Variants in STAT1 observed in about 807,000 individuals in gnomAD.
STAT1 encodes signal transducer and activator of transcription 1-alpha/beta.
STAT1 carries 24 observed loss-of-function variants against 111.7 expected under a neutral mutation model. That is an observed-to-expected ratio of 0.21 (90% CI 0.16 to 0.30). The LOEUF (loss-of-function observed/expected upper bound fraction) is 0.30. STAT1 is among the 10% of genes least tolerant of loss of function. The probability of loss-of-function intolerance (pLI) is 1.00; values close to 1 mark genes in which losing one functional copy is unlikely to be tolerated. For synonymous variants in STAT1, 332 were observed against 326.5 expected (o/e 1.02, Z -0.18); for missense variants, 351 against 911.9 (o/e 0.38, Z 7.92).
chr2:190,993,586 G>A lies in STAT1; in HGVS notation c.944+1475C>T, dbSNP rs776516276. 14 of 597,694 alleles carry A rather than the reference G, an allele frequency of 2.3e-5. No individual in the cohort carries two copies. The highest frequency in any genetic ancestry group is 5.4e-4 in the Middle Eastern group (2 of 3,674). 37.0% of individuals were successfully genotyped at this position (597,694 alleles called of 1,614,324 possible). On this transcript the variant is annotated intron_variant, in intron 10 of 24. Transcript: ENST00000361099. This position sits in a 1 kb window ranked among gnomAD's most constrained non-coding sequence, Gnocchi z 4.1. The stretch of plus-strand genomic sequence containing the variant: ...TGGACATGTCACTGTAGCTGCCACC[G>A]CTGCCACGGCCACCCTTGCTGCTAC...
chr2:190,974,733 C>G lies in STAT1; in HGVS notation c.2238+97G>C. 2.7e-6 allele frequency: 3 copies of G among 1,115,022 alleles called. No homozygotes were observed. The highest frequency in any genetic ancestry group is 4.1e-6 in the Non-Finnish European group (3 of 733,936). 69.1% of individuals were successfully genotyped at this position (1,115,022 alleles called of 1,614,324 possible). A position where few individuals can be genotyped will look rare whatever the true frequency, so the allele number is the denominator to read the frequency against. ...CTCTCCTTGGCTCCGCCAGGGCTCC[C>G]TCCCGCAGACAGGCCCGGGATCTGC... On this transcript the variant is annotated intron_variant, in intron 24 of 24. Transcript: ENST00000361099. This position sits in a 1 kb window ranked among gnomAD's most constrained non-coding sequence, Gnocchi z 4.8.
Position 190,999,046 on chromosome 2 carries a change from T to C in STAT1, c.541+580A>G, listed in dbSNP as rs560358023. ...GCAGTACCCTACGTGTCCTACACAATGTACATTCTTGAGATCTTTTCTGTT... is the reference window on the plus strand; with the variant it reads ...GCAGTACCCTACGTGTCCTACACAACGTACATTCTTGAGATCTTTTCTGTT... On this transcript the variant is annotated intron_variant, in intron 7 of 24. Coordinates refer to ENST00000361099, the MANE Select transcript of STAT1 (RefSeq NM_007315.4). The surrounding 1 kb of genome is among the most constrained non-coding windows in gnomAD (Gnocchi z 4.1). Among the ~76,000 whole-genome samples the C allele has an allele frequency of 2.0e-5, 3 of 152,178 alleles. No homozygotes were observed. The highest frequency in any genetic ancestry group is 4.4e-5 in the Non-Finnish European group (3 of 68,036).
At chr2:190,985,446 C>A (rs1210433792) in intron 15 of STAT1, among the ~76,000 whole-genome samples, 173 bp downstream of exon 15, 1 of 152,198 alleles carries the variant, frequency 6.6e-6, no homozygotes, top group East Asian at 1.9e-4. Flanking sequence ...TAGTAAAGCA[C>A]AAATGTGGTG....
rs916580554 is a variant in STAT1 at position 190,982,453 on chromosome 2, C to G, written c.1512G>C (p.Trp504Cys). ...CTCTTTTGGTGACAGAAGAAAACTG[C>G]CAACTCAGCACTTCTGAAAGCTGAG... ...RWAQLSEVLS[W>C]QFSSVTKRGL... Residue 504 changes from tryptophan (W) to cysteine (C), a missense_variant, in exon 18 of 25, where the codon TGG (tryptophan) becomes TGC (cysteine). Coordinates refer to ENST00000361099, the MANE Select transcript of STAT1 (RefSeq NM_007315.4). The surrounding 1 kb of genome is among the most constrained non-coding windows in gnomAD (Gnocchi z 7.3). The G allele has an allele frequency of 1.2e-6, 2 of 1,614,062 alleles. No individual in the cohort carries two copies. The highest frequency in any genetic ancestry group is 8.5e-7 in the Non-Finnish European group (1 of 1,180,048).
Position 190,985,895 on chromosome 2 carries a change from C to A in STAT1, c.1222-235G>T, listed in dbSNP as rs116811180. The stretch of plus-strand genomic sequence containing the variant: ...GGAGGGATCTCTTGGAATCACAACC[C>A]GCTCCTCTCCTGTGTTCAAACTTTC... On this transcript the variant is annotated intron_variant, in intron 14 of 24. Coordinates refer to ENST00000361099, the MANE Select transcript of STAT1 (RefSeq NM_007315.4). Among the ~76,000 whole-genome samples, 1,331 of 152,288 alleles carry A rather than the reference C, an allele frequency of 8.7e-3. 16 individuals carry two copies. The highest frequency in any genetic ancestry group is 0.029 in the African/African-American group (1,209 of 41,536).
chr2:190,986,020 G>T lies in STAT1; in HGVS notation c.1222-360C>A, dbSNP rs897304114. Among the ~76,000 whole-genome samples, 5 of 152,152 alleles carry T rather than the reference G, an allele frequency of 3.3e-5. No individual in the cohort carries two copies. Among genetic ancestry groups the T allele is most frequent in the African/African-American group, 1.2e-4 (5 of 41,436 alleles). ...CCCTCAGCAGAGTCCTCCAGGCTGG[G>T]CCCAGTGACTCCAGGTCCACCTGCC... On this transcript the variant is annotated intron_variant, in intron 14 of 24. Coordinates refer to ENST00000361099, the MANE Select transcript of STAT1 (RefSeq NM_007315.4). The surrounding 1 kb of genome is among the most constrained non-coding windows in gnomAD (Gnocchi z 5.0).
rs984038744 is a variant in STAT1 at position 190,983,176 on chromosome 2, G to C, written c.1446+466C>G. Among the ~76,000 whole-genome samples, 1 of 152,134 alleles carries C rather than the reference G, an allele frequency of 6.6e-6. No individual in the cohort carries two copies. The highest frequency in any genetic ancestry group is 2.4e-5 in the African/African-American group (1 of 41,428). On this transcript the variant is annotated intron_variant, in intron 17 of 24. Coordinates refer to ENST00000361099, the MANE Select transcript of STAT1 (RefSeq NM_007315.4). This position sits in a 1 kb window ranked among gnomAD's most constrained non-coding sequence, Gnocchi z 5.7. ...ACATAAACAATGTTATGCATTGATG[G>C]GTTGACAAAAATGTTGTGACCAGAG... is the stretch of plus-strand genomic sequence containing the variant.
intron 6 of STAT1, 63 bp downstream of exon 6, chr2:191,001,011 T>C (rs561501931): frequency 7.3e-6 from 10 of 1,362,450 alleles, no homozygotes; most frequent in African/African-American, 4.3e-5. Flanking sequence ...CCCCAAGCAA[T>C]TGAAACCTTT....
rs1695239609 is a variant in STAT1, at chr2:191,012,805, T to C, written c.-2+720A>G. 6.6e-6 allele frequency among the ~76,000 whole-genome samples: 1 copy of C among 152,226 alleles called. No individual in the cohort carries two copies. The highest frequency in any genetic ancestry group is 2.1e-4 in the South Asian group (1 of 4,828). On this transcript the variant is annotated intron_variant, in intron 2 of 24. Transcript: ENST00000361099. The surrounding 1 kb of genome is among the most constrained non-coding windows in gnomAD (Gnocchi z 4.0). ...CTGCTTTGCTCCAGCTACTCGCCCT[T>C]GGAAACAGCCTCTCCACAAATTTTT...
Position 190,995,315 on chromosome 2 carries a change from G to A in STAT1, c.786-96C>T. Reference sequence around the variant, plus strand: ...TGGTATATTAGTCCATTCTCATGCTGCTAATAAAGACATACTCGAGACTGG... The same window carrying A: ...TGGTATATTAGTCCATTCTCATGCTACTAATAAAGACATACTCGAGACTGG... On this transcript the variant is annotated intron_variant, in intron 9 of 24. Transcript: ENST00000361099. The surrounding 1 kb of genome is among the most constrained non-coding windows in gnomAD (Gnocchi z 4.2). 1 of 1,217,528 alleles carries A rather than the reference G, an allele frequency of 8.2e-7. No individual in the cohort carries two copies. The highest frequency in any genetic ancestry group is 1.2e-6 in the Non-Finnish European group (1 of 827,528). 75.4% of individuals were successfully genotyped at this position (1,217,528 alleles called of 1,614,324 possible).
rs1445359665 is a variant in STAT1, at chr2:190,987,338, G to A, written c.1098-270C>T. 2.0e-5 allele frequency among the ~76,000 whole-genome samples: 3 copies of A among 152,220 alleles called. No homozygotes were observed. The highest frequency in any genetic ancestry group is 3.9e-4 in the East Asian group (2 of 5,176). On this transcript the variant is annotated intron_variant, in intron 12 of 24. Coordinates refer to ENST00000361099, the MANE Select transcript of STAT1 (RefSeq NM_007315.4). The surrounding 1 kb of genome is among the most constrained non-coding windows in gnomAD (Gnocchi z 4.0). ...ACATACTAACAGTGCCAACATATAG[G>A]ACATCATGAGGAATAAACTAGTTAA...
rs771238032 is a variant in STAT1, at chr2:190,989,610, C to G, written c.1097+5G>C. On this transcript the variant is annotated splice_donor_5th_base_variant and intron_variant, in intron 12 of 24. Coordinates refer to ENST00000361099, the MANE Select transcript of STAT1 (RefSeq NM_007315.4). The surrounding 1 kb of genome is among the most constrained non-coding windows in gnomAD (Gnocchi z 5.0). ...GTATGTTATATAATGTTAAAGATATCTTACTTATCAAATAAGACTTTGACT... is the reference window on the plus strand; with the variant it reads ...GTATGTTATATAATGTTAAAGATATGTTACTTATCAAATAAGACTTTGACT... 8 of 1,496,676 alleles carry G rather than the reference C, an allele frequency of 5.3e-6. No individual in the cohort carries two copies. The highest frequency in any genetic ancestry group is 5.5e-6 in the Non-Finnish European group (6 of 1,083,404). The allele number at this position is 1,496,676 out of a possible 1,614,324, so 92.7% of individuals were successfully genotyped here.
At position 190,974,924 on chromosome 2, in the gene STAT1, G is replaced by C. The variant is rs1691784621; in HGVS notation, c.2144C>G (p.Ser715Cys). ...ELISVSEVHP[S>C]RLQTTDNLLP... is the part of the protein sequence containing the mutation. ...CAGGTTGTCTGTGGTCTGAAGTCTAGAAGGGTGACTAAAATGGGGAAAAAG... is the reference window on the plus strand; with the variant it reads ...CAGGTTGTCTGTGGTCTGAAGTCTACAAGGGTGACTAAAATGGGGAAAAAG... Residue 715 changes from serine (S) to cysteine (C), a missense_variant, in exon 24 of 25, where the codon TCT becomes TGT. Ser to Cys is a moderately radical substitution (Grantham distance 112). This residue lies in a region of STAT1 where 181 missense variants were observed against 426.1 expected (regional missense o/e 0.42). Coordinates refer to ENST00000361099, the MANE Select transcript of STAT1 (RefSeq NM_007315.4). This position sits in a 1 kb window ranked among gnomAD's most constrained non-coding sequence, Gnocchi z 4.8. The C allele has an allele frequency of 6.2e-7, 1 of 1,614,022 alleles. No homozygotes were observed. Among genetic ancestry groups the C allele is most frequent in the Non-Finnish European group, 8.5e-7 (1 of 1,179,842 alleles).
intron 1 of STAT1, 75 bp downstream of exon 1, chr2:191,013,943 C>T (rs1695341573): frequency 3.2e-6 from 1 of 315,688 alleles, no homozygotes; most frequent in Non-Finnish European, 5.7e-6. Flanking sequence ...CCTCGCCCGG[C>T]GTCCAACTGC....
rs1282214359 is a variant in STAT1 at position 191,000,364 on chromosome 2, G to C, written c.463-660C>G. Among the ~76,000 whole-genome samples the C allele has an allele frequency of 6.6e-6, 1 of 152,170 alleles. No individual in the cohort carries two copies. Among genetic ancestry groups the C allele is most frequent in the Non-Finnish European group, 1.5e-5 (1 of 68,024 alleles). On this transcript the variant is annotated intron_variant, in intron 6 of 24. Transcript: ENST00000361099. The surrounding 1 kb of genome is among the most constrained non-coding windows in gnomAD (Gnocchi z 4.8). Reference sequence around the variant, plus strand: ...GACCGCAAGATGAAGTTGCTCCAAAGAATGTGGAGTTTGGAAAGATGCTGT... The same window carrying C: ...GACCGCAAGATGAAGTTGCTCCAAACAATGTGGAGTTTGGAAAGATGCTGT...
rs1437342077 is a variant in STAT1, at chr2:190,974,427, A to AG, written c.2238+402dup. On this transcript the variant is annotated intron_variant, in intron 24 of 24. Transcript: ENST00000361099. This position sits in a 1 kb window ranked among gnomAD's most constrained non-coding sequence, Gnocchi z 4.8. ...TTCTCTCTAATTACTGTAACTACCAAGCGTTAGTCCCTCCCTTTCTAAAAA... is the reference window on the plus strand; with the variant it reads ...TTCTCTCTAATTACTGTAACTACCAAGGCGTTAGTCCCTCCCTTTCTAAAAA... 6.6e-6 allele frequency among the ~76,000 whole-genome samples: 1 copy of AG among 152,210 alleles called. No individual in the cohort carries two copies. The highest frequency in any genetic ancestry group is 1.5e-5 in the Non-Finnish European group (1 of 68,036).
chr2:191,002,130 AG>A (rs1368578763), intron 5 of STAT1, among the ~76,000 whole-genome samples: 1 of 152,154 alleles, frequency 6.6e-6, no homozygotes, highest in African/African-American at 2.4e-5. Flanking sequence ...AGCACTTGCA[AG>A]GTTTCCTTTT....
intron 5 of STAT1, among the ~76,000 whole-genome samples, chr2:191,002,618 G>A (rs1011883432): frequency 1.3e-5 from 2 of 152,194 alleles, no homozygotes; most frequent in Non-Finnish European, 2.9e-5. Flanking sequence ...TCTTTATGAT[G>A]TTGTTTTTAA....
chr2:190,976,815 G>C lies in STAT1; in HGVS notation c.2059+25C>G, dbSNP rs1691941014. 2 of 1,605,174 alleles carry C rather than the reference G, an allele frequency of 1.2e-6. No individual in the cohort carries two copies. Among genetic ancestry groups the C allele is most frequent in the Admixed American group, 1.7e-5 (1 of 59,998 alleles). ...TCATCAGGAAAGACTGTGCCACGCT[G>C]TTACCACCTGCTTGCCCCACTTACC... is the stretch of plus-strand genomic sequence containing the variant. On this transcript the variant is annotated intron_variant, in intron 22 of 24. Transcript: ENST00000361099. This position sits in a 1 kb window ranked among gnomAD's most constrained non-coding sequence, Gnocchi z 6.0.
Sources: allele counts gnomAD v4.1 joint callset (sites outside exome capture counted in the v4.1 genomes callset), GRCh38; gene constraint gnomAD v4.1.1; regional missense constraint gnomAD v4.1.1; non-coding constraint Gnocchi (gnomAD v3.1); transcripts MANE v1.5; gene names NCBI Gene and HGNC (gene_info 2026-07-23, HGNC 2026-07-21).